PLD1: variants seen among roughly 807,000 people sequenced by gnomAD.
PLD1 encodes phospholipase D1, also known as choline phosphatase 1.
PLD1 carries 112 observed loss-of-function variants against 137.1 expected under a neutral mutation model. That is an observed-to-expected ratio of 0.82 (90% CI 0.70 to 0.96). PLD1 has a LOEUF of 0.96. Among genes scored for constraint, PLD1 ranks in the 40% least tolerant of loss-of-function variants. The pLI is 0.00. For synonymous variants in PLD1, 431 were observed against 454.7 expected (o/e 0.95, Z 0.66); for missense variants, 1,321 against 1,342.0 (o/e 0.98, Z 0.24).
rs1732779349 is a variant in PLD1, at chr3:171,612,857, G to T, written c.2729-425C>A. On this transcript the variant is annotated intron_variant, in intron 24 of 26. Coordinates refer to ENST00000351298, the MANE Select transcript of PLD1 (RefSeq NM_002662.5). This position sits in a 1 kb window ranked among gnomAD's most constrained non-coding sequence, Gnocchi z 4.1. ...CAACCACTAGAGAACAAACAAAAAAGCTTAAAGAAAATGCTAAGTAGAAAA... is the reference window on the plus strand; with the variant it reads ...CAACCACTAGAGAACAAACAAAAAATCTTAAAGAAAATGCTAAGTAGAAAA... Among the ~76,000 whole-genome samples the T allele has an allele frequency of 6.6e-6, 1 of 152,118 alleles. No individual in the cohort carries two copies. The highest frequency in any genetic ancestry group is 2.4e-5 in the African/African-American group (1 of 41,432).
At chr3:171,628,133 AAG>A (rs1734306121) in intron 23 of PLD1, among the ~76,000 whole-genome samples, 2 of 152,146 alleles carry the variant, frequency 1.3e-5, no homozygotes, top group Admixed American at 6.5e-5. Flanking sequence ...TAAAGAAGAA[AAG>A]AGAGAAGAAT....
At chr3:171,668,214 C>T (rs1196508770) in intron 19 of PLD1, among the ~76,000 whole-genome samples, 5 of 152,248 alleles carry the variant, frequency 3.3e-5, no homozygotes, top group African/African-American at 1.2e-4. Flanking sequence ...TTCATATCAG[C>T]TCTTCTAGCC....
At chr3:171,610,257 A>G (rs1732546251) in intron 25 of PLD1, among the ~76,000 whole-genome samples, 1 of 152,226 alleles carries the variant, frequency 6.6e-6, no homozygotes. Flanking sequence ...TACACATACA[A>G]TAAAATATAA....
intron 19 of PLD1, among the ~76,000 whole-genome samples, chr3:171,665,692 C>A (rs1455283704): frequency 2.0e-5 from 3 of 150,146 alleles, no homozygotes; most frequent in African/African-American, 7.5e-5. Flanking sequence ...AATAGTGAAA[C>A]TGCGTCTCAA....
At chr3:171,673,141 C>G (rs561496040) in intron 19 of PLD1, among the ~76,000 whole-genome samples, 17 of 152,090 alleles carry the variant, frequency 1.1e-4, no homozygotes, top group Admixed American at 5.2e-4. Flanking sequence ...TTCTCCTCTA[C>G]GTAGAATAAA....
intron 21 of PLD1, among the ~76,000 whole-genome samples, chr3:171,655,060 T>A (rs1196828292): frequency 1.6e-4 from 24 of 152,180 alleles, no homozygotes; most frequent in Non-Finnish European, 5.9e-5. Flanking sequence ...CTCAGATTTC[T>A]CCAGGGTAGG....
intron 23 of PLD1, among the ~76,000 whole-genome samples, chr3:171,641,926 T>A (rs865946872): frequency 6.6e-6 from 1 of 152,268 alleles, no homozygotes; most frequent in Middle Eastern, 3.4e-3. Context: ...AGTGTGGCTG[T>A]CCACGTTTTC....
intron 21 of PLD1, among the ~76,000 whole-genome samples, chr3:171,648,526 T>C (rs1450484023): frequency 1.3e-5 from 2 of 152,194 alleles, no homozygotes; most frequent in African/African-American, 4.8e-5. Context: ...ACAGGGTATC[T>C]TGGAAATCCT....
intron 1 of PLD1, among the ~76,000 whole-genome samples, chr3:171,800,681 T>C (rs899534796): frequency 2.0e-5 from 3 of 152,176 alleles, no homozygotes; most frequent in Non-Finnish European, 4.4e-5. Context: ...TGTAACAAAA[T>C]ACCATAGACT....
At chr3:171,806,441 T>C (rs1723851603) in intron 1 of PLD1, among the ~76,000 whole-genome samples, 1 of 152,234 alleles carries the variant, frequency 6.6e-6, no homozygotes, top group Non-Finnish European at 1.5e-5. Flanking sequence ...TGTCACAGGC[T>C]TATGGGAAAG....
At chr3:171,804,539 G>A (rs1470918288) in intron 1 of PLD1, among the ~76,000 whole-genome samples, 1 of 152,156 alleles carries the variant, frequency 6.6e-6, no homozygotes, top group East Asian at 1.9e-4. Flanking sequence ...AACACAGTCT[G>A]TGACCTCAAG....
chr3:171,792,541 G>T (rs866556884), intron 1 of PLD1: 1 of 456,110 alleles, frequency 2.2e-6, no homozygotes, highest in Middle Eastern at 3.3e-4. Context: ...AGCAAACCAG[G>T]GGACAAACCA....
At chr3:171,726,420 T>G (rs1486894518) in intron 6 of PLD1, among the ~76,000 whole-genome samples, 1 of 152,176 alleles carries the variant, frequency 6.6e-6, no homozygotes, top group Non-Finnish European at 1.5e-5. Flanking sequence ...TGGCACAGTG[T>G]ACACTCAAAC....
intron 1 of PLD1, among the ~76,000 whole-genome samples, chr3:171,770,728 TA>T (rs994440360): frequency 3.8e-4 from 54 of 143,676 alleles, no homozygotes; most frequent in Admixed American, 5.6e-4. Context: ...TAAAAAAGTA[TA>T]AAAAAAAAAA....
intron 3 of PLD1, among the ~76,000 whole-genome samples, chr3:171,736,693 AGCAT>A (rs1719382262): frequency 6.6e-6 from 1 of 152,190 alleles, no homozygotes; most frequent in African/African-American, 2.4e-5. Flanking sequence ...GGGAAGGCAA[AGCAT>A]GCCCTGACAG....
chr3:171,761,401 C>T (rs570456748), intron 1 of PLD1, among the ~76,000 whole-genome samples: 122 of 152,160 alleles, frequency 8.0e-4, no homozygotes, highest in Non-Finnish European at 1.4e-3. Flanking sequence ...AGGAGAGCCT[C>T]CTTGGTCTCA....
chr3:171,768,561 T>C (rs1038260570), intron 1 of PLD1, among the ~76,000 whole-genome samples: 1 of 152,232 alleles, frequency 6.6e-6, no homozygotes, highest in Non-Finnish European at 1.5e-5. Context: ...TCTACCAAGG[T>C]TCGACGGTCA....
At chr3:171,680,359 C>T (rs370910731) in intron 16 of PLD1, among the ~76,000 whole-genome samples, 13 of 151,148 alleles carry the variant, frequency 8.6e-5, no homozygotes, top group South Asian at 8.4e-4. Context: ...CTCAGCCTCC[C>T]GAGTAGCTGG....
intron 19 of PLD1, among the ~76,000 whole-genome samples, chr3:171,664,765 T>A (rs1048088768): frequency 6.6e-6 from 1 of 152,154 alleles, no homozygotes; most frequent in Non-Finnish European, 1.5e-5. Flanking sequence ...GGCCGGAATC[T>A]CCATGATGTT....
Sources: allele counts gnomAD v4.1 joint callset (sites outside exome capture counted in the v4.1 genomes callset), GRCh38; gene constraint gnomAD v4.1.1; non-coding constraint Gnocchi (gnomAD v3.1); transcripts MANE v1.5; gene names NCBI Gene and HGNC (gene_info 2026-07-23, HGNC 2026-07-21).